Variants in SUMF1 observed in about 807,000 individuals in gnomAD.
The protein encoded by SUMF1 is formylglycine-generating enzyme.
In SUMF1, 48 loss-of-function variants were observed where a neutral mutation model predicts 47.6. The ratio of observed to expected loss-of-function variants is 1.01; its 90% CI spans 0.80 to 1.28. SUMF1 has a LOEUF of 1.28. SUMF1 is among the 50% of genes most tolerant of loss of function. The pLI is 0.00. For missense variants in SUMF1, 571 were observed against 485.4 expected (o/e 1.18, Z -1.66); for synonymous variants, 230 against 192.1 (o/e 1.20, Z -1.63).
intron 8 of SUMF1, among the ~76,000 whole-genome samples, chr3:4,212,930 G>A (rs1006399513): frequency 1.3e-5 from 2 of 152,154 alleles, no homozygotes; most frequent in African/African-American, 4.8e-5. Flanking sequence ...CCAAACCTGT[G>A]TTTGATTGGT....
chr3:4,158,090 C>T (rs1334973086), intron 8 of SUMF1, among the ~76,000 whole-genome samples: 1 of 151,560 alleles, frequency 6.6e-6, no homozygotes, highest in East Asian at 1.9e-4. Flanking sequence ...TGCCCTGTGC[C>T]AGGTGTTGTA....
intron 8 of SUMF1, among the ~76,000 whole-genome samples, chr3:4,327,357 A>C (rs562226714): frequency 2.6e-5 from 4 of 152,156 alleles, no homozygotes; most frequent in Non-Finnish European, 5.9e-5. Context: ...CTTTAATAGC[A>C]CCCAGAAGAG....
At chr3:4,293,680 T>A (rs1697784894) in intron 8 of SUMF1, among the ~76,000 whole-genome samples, 1 of 152,118 alleles carries the variant, frequency 6.6e-6, no homozygotes, top group Non-Finnish European at 1.5e-5. Context: ...TTCTAAGTAG[T>A]CAGGCTGTAA....
chr3:4,431,624 C>T (rs1041899975), intron 3 of SUMF1, among the ~76,000 whole-genome samples: 3 of 152,158 alleles, frequency 2.0e-5, no homozygotes, highest in African/African-American at 4.8e-5. Context: ...GCTTGGGACC[C>T]ACTGAATATT....
intron 1 of SUMF1, among the ~76,000 whole-genome samples, chr3:4,456,958 G>T (rs1201059603): frequency 3.2e-5 from 4 of 124,368 alleles, no homozygotes; most frequent in African/African-American, 8.8e-5. Context: ...ATATACGTGT[G>T]TGTATATATA....
At chr3:4,049,854 G>A (rs1319981451) in intron 9 of SUMF1, among the ~76,000 whole-genome samples, 1 of 152,100 alleles carries the variant, frequency 6.6e-6, no homozygotes, top group Non-Finnish European at 1.5e-5. Context: ...GGATGAATGT[G>A]GGGGTATTAT....
chr3:4,360,317 T>G (rs116346024), downstream of SUMF1, among the ~76,000 whole-genome samples: 3,426 of 144,668 alleles, frequency 0.024, 61 homozygotes, highest in Middle Eastern at 0.041. Flanking sequence ...GCCAGCTACA[T>G]GACTTTTTTT....
intron 8 of SUMF1, among the ~76,000 whole-genome samples, chr3:4,168,670 T>C (rs750476305): frequency 3.3e-5 from 5 of 152,174 alleles, no homozygotes; most frequent in African/African-American, 7.2e-5. Context: ...AAAATCTCTA[T>C]TTTGCCACTT....
chr3:4,153,713 C>A (rs527979111), intron 8 of SUMF1, among the ~76,000 whole-genome samples: 95 of 151,500 alleles, frequency 6.3e-4, no homozygotes, highest in Non-Finnish European at 1.2e-3. Flanking sequence ...ACTACATTAC[C>A]ATTCACCTCC....
At chr3:4,249,754 G>C (rs1696751535) in intron 8 of SUMF1, among the ~76,000 whole-genome samples, 1 of 152,070 alleles carries the variant, frequency 6.6e-6, no homozygotes, top group Non-Finnish European at 1.5e-5. Flanking sequence ...TAGTGAAAAA[G>C]GCACATTGAA....
At chr3:4,100,175 A>G (rs1231088680) in intron 8 of SUMF1, among the ~76,000 whole-genome samples, 1 of 151,814 alleles carries the variant, frequency 6.6e-6, no homozygotes, top group Non-Finnish European at 1.5e-5. Context: ...TTCTTCACAG[A>G]AATCGAAAAA....
chr3:4,159,030 C>A (rs1027964127), intron 8 of SUMF1, among the ~76,000 whole-genome samples: 2 of 151,402 alleles, frequency 1.3e-5, no homozygotes, highest in African/African-American at 4.9e-5. Context: ...AAAGTTGTTG[C>A]AGTTTTTTTA....
At chr3:4,388,305 T>G (rs1700738862) in intron 7 of SUMF1, among the ~76,000 whole-genome samples, 1 of 152,092 alleles carries the variant, frequency 6.6e-6, no homozygotes, top group African/African-American at 2.4e-5. Flanking sequence ...CATTTTATCA[T>G]TATATACGTT....
chr3:4,315,297 A>G (rs141999406), intron 8 of SUMF1, among the ~76,000 whole-genome samples: 1 of 152,342 alleles, frequency 6.6e-6, no homozygotes, highest in East Asian at 1.9e-4. Context: ...GAGCTGCTTC[A>G]GACGCAATAT....
intron 8 of SUMF1, among the ~76,000 whole-genome samples, chr3:4,170,850 G>A (rs750009668): frequency 6.6e-6 from 1 of 152,144 alleles, no homozygotes; most frequent in Admixed American, 6.5e-5. Context: ...AGAATAGCCA[G>A]CTTTCTCTTC....
rs565311611 is a variant in SUMF1, at chr3:4,184,742, G to A, written c.1015-115997C>T. On this transcript the variant is annotated intron_variant and NMD_transcript_variant, in intron 8 of 12. Coordinates refer to the SUMF1 transcript ENST00000448413. ...CGGCTCACTGCAACCTCCGCCTCCC[G>A]GGTTCAAGCGATCCTCCTGCCTCAG... Among the ~76,000 whole-genome samples the A allele has an allele frequency of 6.4e-4, 96 of 148,930 alleles. 1 individual carries two copies. Among genetic ancestry groups the A allele is most frequent in the Middle Eastern group, 3.4e-3 (1 of 290 alleles).
At chr3:4,409,587 T>C (rs992728501) in intron 7 of SUMF1, among the ~76,000 whole-genome samples, 2 of 152,204 alleles carry the variant, frequency 1.3e-5, no homozygotes, top group Non-Finnish European at 2.9e-5. Flanking sequence ...AAAAATTCTA[T>C]TTCTGATTCT....
intron 1 of SUMF1, among the ~76,000 whole-genome samples, chr3:4,458,541 T>C (rs926065785): frequency 3.3e-5 from 5 of 152,080 alleles, no homozygotes; most frequent in Non-Finnish European, 5.9e-5. Flanking sequence ...TATATAAATG[T>C]CAGAATACTT....
At chr3:4,344,235 G>A (rs1699328049) in intron 8 of SUMF1, among the ~76,000 whole-genome samples, 1 of 151,928 alleles carries the variant, frequency 6.6e-6, no homozygotes, top group Non-Finnish European at 1.5e-5. Flanking sequence ...GCAGTGTGGT[G>A]TGGCGGCCAC....
Sources: allele counts gnomAD v4.1 joint callset (sites outside exome capture counted in the v4.1 genomes callset), GRCh38; gene constraint gnomAD v4.1.1; transcripts MANE v1.5; gene names NCBI Gene and HGNC (gene_info 2026-07-23, HGNC 2026-07-21).